Variants in SGK3 observed in about 807,000 individuals in gnomAD.
The protein encoded by SGK3 is serum/glucocorticoid regulated kinase family member 3, also known as serine/threonine-protein kinase Sgk3.
SGK3 carries 47 observed loss-of-function variants against 68.5 expected under a neutral mutation model. The observed-to-expected ratio is 0.69, with a 90% CI of 0.54 to 0.87. SGK3 has a LOEUF of 0.87. SGK3 is among the 40% of genes least tolerant of loss of function. The pLI, the probability that SGK3 is intolerant of heterozygous loss-of-function variation, is 0.00. For missense variants in SGK3, 479 were observed against 575.5 expected, an observed-to-expected ratio of 0.83 and a Z score of 1.72; for synonymous variants, 181 against 189.1, an observed-to-expected ratio of 0.96 and a Z score of 0.35.
chr8:66,858,383 G>T lies in SGK3; in HGVS notation c.1321-1028G>T, dbSNP rs533290566. Among the ~76,000 whole-genome samples the T allele has an allele frequency of 2.6e-4, 40 of 151,706 alleles. No homozygotes were observed. In the South Asian group the frequency reaches 4.6e-3, roughly 17 times the overall value. ...CGGGAGGCTGAGGCAGGAGAATGGC[G>T]TGAACCCGGGAGGCGGAGCTTGCAG... is the stretch of plus-strand genomic sequence containing the variant. On this transcript the variant is annotated intron_variant, in intron 16 of 16. Coordinates refer to ENST00000521198, the MANE Select transcript of SGK3 (RefSeq NM_001033578.3).
rs771785674 is a variant in SGK3 at position 66,831,277 on chromosome 8, T to G, written c.491T>G (p.Phe164Cys). The change falls in exon 8 of 17, where the codon TTC (phenylalanine) becomes TGC (cysteine). Residue 164 changes from phenylalanine to cysteine, a missense_variant. This residue lies in a region of SGK3 where 298 missense variants were observed against 329.4 expected (regional missense o/e 0.90). Transcript: ENST00000521198. ...AGTGCCAAACCAACTGACTTTGATT[T>G]CTTAAAAGTTATTGGAAAAGGCAGC... is the stretch of plus-strand genomic sequence containing the variant. Reference protein sequence around the residue: ...NPHAKPTDFDFLKVIGKGSFG... With the variant: ...NPHAKPTDFDCLKVIGKGSFG... 8 of 1,614,010 alleles carry G rather than the reference T, an allele frequency of 5.0e-6. No homozygotes were observed. The Admixed American group carries it at 8.3e-5, about 17-fold the overall frequency.
Position 66,716,541 on chromosome 8 carries a change from C to CA in SGK3, c.-122+3712dup, listed in dbSNP as rs1417906145. Among the ~76,000 whole-genome samples the CA allele has an allele frequency of 4.2e-5, 5 of 119,922 alleles. No individual in the cohort carries two copies. The East Asian group carries it at 1.2e-3, about 30-fold the overall frequency. 78.7% of individuals were successfully genotyped at this position (119,922 alleles called of 152,430 possible). ...CCACTGTTCTTCTATTACGCTAAAGCAAAATCTGCTTTCTTTGGGCGGGGG... is the reference window on the plus strand; with the variant it reads ...CCACTGTTCTTCTATTACGCTAAAGCAAAAATCTGCTTTCTTTGGGCGGGGG... On this transcript the variant is annotated intron_variant, in intron 1 of 16. Coordinates refer to ENST00000521198, the MANE Select transcript of SGK3 (RefSeq NM_001033578.3).
intron 8 of SGK3, among the ~76,000 whole-genome samples, chr8:66,833,515 A>T (rs1014422008): frequency 6.6e-6 from 1 of 152,190 alleles, no homozygotes. Flanking sequence ...CAGAATCAAC[A>T]TATCAATTTC....
At chr8:66,839,351 G>A (rs1026536618) in intron 10 of SGK3, among the ~76,000 whole-genome samples, 15 of 150,238 alleles carry the variant, frequency 1.0e-4, no homozygotes, top group Non-Finnish European at 1.8e-4. Context: ...GCTGTGAAGT[G>A]TAGGCCTAAT....
intron 4 of SGK3, among the ~76,000 whole-genome samples, chr8:66,807,712 G>A (rs1389305204): frequency 6.6e-6 from 1 of 152,172 alleles, no homozygotes; most frequent in Admixed American, 6.5e-5. Context: ...TCCATGTTGA[G>A]GGGAGTTTGG....
intron 14 of SGK3, among the ~76,000 whole-genome samples, chr8:66,846,396 C>T (rs1208589824): frequency 6.6e-6 from 1 of 152,112 alleles, no homozygotes; most frequent in Non-Finnish European, 1.5e-5. Flanking sequence ...CTCACTGCAT[C>T]CTCCGCCTCC....
intron 1 of SGK3, among the ~76,000 whole-genome samples, chr8:66,786,925 CTTTTTTTTTTTTTTTTTTTT>C (rs71249407): frequency 4.1e-5 from 2 of 48,684 alleles, no homozygotes; most frequent in African/African-American, 8.3e-5. Flanking sequence ...TTTTCTCTGT[CTTTTTTTTTTTTTTTTTTTT>C]TTTTTTTTTT....
At chr8:66,748,800 C>G (rs1368844097) in intron 1 of SGK3, among the ~76,000 whole-genome samples, 1 of 152,134 alleles carries the variant, frequency 6.6e-6, no homozygotes, top group African/African-American at 2.4e-5. Context: ...GTGGACTCAT[C>G]AATTTGAAAC....
chr8:66,810,636 G>A (rs1473997134), intron 4 of SGK3, among the ~76,000 whole-genome samples: 3 of 152,186 alleles, frequency 2.0e-5, no homozygotes, highest in Non-Finnish European at 4.4e-5. Flanking sequence ...GGGAGGTGGA[G>A]GTTGCAGTGA....
chr8:66,773,607 C>T (rs1475092352), intron 1 of SGK3, among the ~76,000 whole-genome samples: 1 of 152,182 alleles, frequency 6.6e-6, no homozygotes, highest in African/African-American at 2.4e-5. Context: ...CATCACGACT[C>T]TTGCACTTTG....
At chr8:66,764,237 A>T (rs895136175) in intron 1 of SGK3, among the ~76,000 whole-genome samples, 3 of 149,854 alleles carry the variant, frequency 2.0e-5, no homozygotes, top group African/African-American at 7.4e-5. Flanking sequence ...TTTTTTTATA[A>T]TTTTTTTTTT....
At chr8:66,815,433 T>C (rs16933065) in intron 5 of SGK3, among the ~76,000 whole-genome samples, 5,574 of 152,318 alleles carry the variant, frequency 0.037, 110 homozygotes, top group Admixed American at 0.05. Context: ...AGTTCCCTTG[T>C]CTAGTCTCTT....
intron 1 of SGK3, among the ~76,000 whole-genome samples, chr8:66,789,823 A>G (rs528048057): frequency 6.6e-6 from 1 of 152,268 alleles, no homozygotes; most frequent in South Asian, 2.1e-4. Context: ...TATGCCTACA[A>G]TCCCAGCACT....
chr8:66,859,438 G>C lies in SGK3; in HGVS notation c.1348G>C (p.Asp450His). 1 of 1,609,466 alleles carries C rather than the reference G, an allele frequency of 6.2e-7. No individual in the cohort carries two copies. Among genetic ancestry groups the C allele is most frequent in the African/African-American group, 1.3e-5 (1 of 75,028 alleles). Residue 450 changes from aspartate (D) to histidine (H), a missense_variant, in exon 17 of 17, where the codon GAC becomes CAC. By Grantham distance (81) the Asp-to-His change is moderately conservative. This residue lies in a region of SGK3 where 173 missense variants were observed against 214.3 expected (regional missense o/e 0.81). Coordinates refer to ENST00000521198, the MANE Select transcript of SGK3 (RefSeq NM_001033578.3). ...TGGACCAGATGATATCAGAAACTTT[G>C]ACACAGCATTTACAGAAGAAACAGT... is the stretch of plus-strand genomic sequence containing the variant. ...VAGPDDIRNF[D>H]TAFTEETVPY...
chr8:66,830,874 A>G (rs761454606), intron 7 of SGK3, among the ~76,000 whole-genome samples: 3 of 152,220 alleles, frequency 2.0e-5, no homozygotes, highest in African/African-American at 7.2e-5. Flanking sequence ...TTATTTATAT[A>G]GTTATTTAAT....
chr8:66,820,340 A>G (rs1056524937), intron 5 of SGK3, among the ~76,000 whole-genome samples: 9 of 152,164 alleles, frequency 5.9e-5, no homozygotes, highest in African/African-American at 2.2e-4. Flanking sequence ...TTCATTTAGC[A>G]TAATATTTAT....
At chr8:66,851,256 T>TCACTCC (rs1451330698) in intron 16 of SGK3, among the ~76,000 whole-genome samples, 1 of 152,048 alleles carries the variant, frequency 6.6e-6, no homozygotes, top group African/African-American at 2.4e-5. Flanking sequence ...GGTGGGCAGA[T>TCACTCC]CACTCCCAGC....
intron 1 of SGK3, among the ~76,000 whole-genome samples, chr8:66,754,295 GAGGAATGAGAGATAATGCAAAAACTA>G (rs375077478): frequency 3.7e-4 from 56 of 152,292 alleles, no homozygotes; most frequent in African/African-American, 1.3e-3. Flanking sequence ...ATTTGCAAAT[GAGGAATGAGAGATAATGCAAAAACTA>G]AGGAACATTG....
chr8:66,851,508 G>A (rs553048608), intron 16 of SGK3, among the ~76,000 whole-genome samples: 5 of 151,078 alleles, frequency 3.3e-5, no homozygotes, highest in Non-Finnish European at 5.9e-5. Context: ...GTGATAGAGC[G>A]AGACCCTGTC....
Sources: allele counts gnomAD v4.1 joint callset (sites outside exome capture counted in the v4.1 genomes callset), GRCh38; gene constraint gnomAD v4.1.1; regional missense constraint gnomAD v4.1.1; transcripts MANE v1.5; gene names NCBI Gene and HGNC (gene_info 2026-07-23, HGNC 2026-07-21).